PRKN: variants seen among roughly 807,000 people sequenced by gnomAD.
PRKN encodes parkin RBR E3 ubiquitin protein ligase.
A neutral mutation model predicts 59.5 loss-of-function variants in PRKN; 56 were observed. That is an observed-to-expected ratio of 0.94 (90% confidence interval 0.76 to 1.18). PRKN has a LOEUF of 1.18. Ranked by LOEUF, PRKN falls within the 50% of genes most tolerant of loss-of-function variation. The pLI is 0.00. For synonymous variants in PRKN, 250 were observed against 222.1 expected, an observed-to-expected ratio of 1.13 and a Z score of -1.12; for missense variants, 657 against 596.4, an observed-to-expected ratio of 1.10 and a Z score of -1.06.
At chr6:161,836,045 T>C (rs908840535) in intron 6 of PRKN, among the ~76,000 whole-genome samples, 2 of 152,168 alleles carry the variant, frequency 1.3e-5, no homozygotes, top group African/African-American at 4.8e-5. Context: ...CTTTTTTCTT[T>C]AAAAAGGGGG....
intron 4 of PRKN, among the ~76,000 whole-genome samples, chr6:162,153,627 A>C (rs1782371815): frequency 6.6e-6 from 1 of 152,080 alleles, no homozygotes; most frequent in Non-Finnish European, 1.5e-5. Context: ...AGACAAATGG[A>C]AGGATGATTA....
intron 3 of PRKN, among the ~76,000 whole-genome samples, chr6:162,228,838 C>T (rs1051079233): frequency 3.3e-5 from 5 of 152,088 alleles, no homozygotes; most frequent in Non-Finnish European, 1.5e-5. Flanking sequence ...TTTCAAAATC[C>T]TTCCAGATAT....
At chr6:162,483,529 G>A (rs111895423) in intron 1 of PRKN, among the ~76,000 whole-genome samples, 25 of 148,262 alleles carry the variant, frequency 1.7e-4, no homozygotes, top group Non-Finnish European at 3.4e-4. Flanking sequence ...CAGTGGGGGC[G>A]GGGAAGGAAG....
chr6:162,219,956 G>T (rs1777860832), intron 3 of PRKN, among the ~76,000 whole-genome samples: 1 of 151,986 alleles, frequency 6.6e-6, no homozygotes, highest in African/African-American at 2.4e-5. Flanking sequence ...AACATGGTGT[G>T]GTATTTGCCT....
intron 2 of PRKN, among the ~76,000 whole-genome samples, chr6:162,338,514 G>A (rs570668678): frequency 2.6e-5 from 4 of 152,170 alleles, no homozygotes; most frequent in African/African-American, 7.2e-5. Context: ...TCGGCCTCCC[G>A]AGGTGCCGGG....
chr6:162,263,995 C>A (rs1158047575), intron 2 of PRKN, among the ~76,000 whole-genome samples: 1 of 152,116 alleles, frequency 6.6e-6, no homozygotes, highest in South Asian at 2.1e-4. Flanking sequence ...TCGATGTGGC[C>A]GGCCGCAGTG....
intron 6 of PRKN, among the ~76,000 whole-genome samples, chr6:161,936,883 G>C (rs1779379711): frequency 6.6e-6 from 1 of 151,458 alleles, no homozygotes; most frequent in Non-Finnish European, 1.5e-5. Context: ...CCTCCCGGGT[G>C]CAACTGATTA....
chr6:162,503,226 G>A (rs887511208), intron 1 of PRKN, among the ~76,000 whole-genome samples: 13 of 144,228 alleles, frequency 9.0e-5, no homozygotes, highest in Admixed American at 3.6e-4. Flanking sequence ...GCAATGGCAT[G>A]ATCTCGGCTC....
At chr6:162,458,945 C>T (rs558634650) in intron 1 of PRKN, among the ~76,000 whole-genome samples, 132 of 152,116 alleles carry the variant, frequency 8.7e-4, no homozygotes, top group African/African-American at 2.7e-3. Flanking sequence ...CCCAGCCTCC[C>T]GAGTAGCTGG....
chr6:162,383,338 G>A (rs542813453), intron 2 of PRKN, among the ~76,000 whole-genome samples: 8 of 152,286 alleles, frequency 5.3e-5, no homozygotes, highest in South Asian at 4.1e-4. Context: ...CAGAATGACC[G>A]TTATGTTAGC....
chr6:162,214,713 T>C (rs1777563257), intron 3 of PRKN, among the ~76,000 whole-genome samples: 8 of 152,180 alleles, frequency 5.3e-5, no homozygotes, highest in Admixed American at 5.2e-4. Flanking sequence ...AATTTCTTAG[T>C]TGATAAATAG....
intron 1 of PRKN, among the ~76,000 whole-genome samples, chr6:162,695,437 A>G (rs1777932870): frequency 6.6e-6 from 1 of 152,106 alleles, no homozygotes; most frequent in African/African-American, 2.4e-5. Flanking sequence ...ATATTACTAA[A>G]TTTATAGCCC....
At chr6:161,786,204 G>C (rs1379745305) in intron 6 of PRKN, among the ~76,000 whole-genome samples, 2 of 152,030 alleles carry the variant, frequency 1.3e-5, no homozygotes, top group Non-Finnish European at 2.9e-5. Flanking sequence ...AGTCTTCCCT[G>C]ACTCAGAATT....
intron 3 of PRKN, among the ~76,000 whole-genome samples, chr6:162,252,421 G>C (rs1441581484): frequency 6.6e-6 from 1 of 152,190 alleles, no homozygotes; most frequent in African/African-American, 2.4e-5. Context: ...AAAAGAGCTA[G>C]ACCCTGCTTC....
chr6:162,042,457 T>A (rs1379831592), intron 5 of PRKN, among the ~76,000 whole-genome samples: 2 of 151,666 alleles, frequency 1.3e-5, no homozygotes, highest in African/African-American at 2.4e-5. Context: ...CTAATTTTTT[T>A]TTTTTATTTT....
chr6:162,582,916 T>C (rs925748426), intron 1 of PRKN, among the ~76,000 whole-genome samples: 1 of 152,220 alleles, frequency 6.6e-6, no homozygotes, highest in African/African-American at 2.4e-5. Flanking sequence ...ATGGCTTACA[T>C]GTCTGTCCCC....
At chr6:162,431,679 T>C (rs1056131419) in intron 2 of PRKN, among the ~76,000 whole-genome samples, 2 of 152,184 alleles carry the variant, frequency 1.3e-5, no homozygotes, top group Non-Finnish European at 1.5e-5. Flanking sequence ...ATCTCTTCTA[T>C]TAAAAACAAA....
chr6:161,770,290 C>T (rs1789609745), intron 7 of PRKN, among the ~76,000 whole-genome samples: 1 of 152,070 alleles, frequency 6.6e-6, no homozygotes, highest in South Asian at 2.1e-4. Flanking sequence ...ACAGAGGGCT[C>T]ACGTTCAATA....
At chr6:161,849,843 G>A (rs1446721977) in intron 6 of PRKN, among the ~76,000 whole-genome samples, 1 of 152,166 alleles carries the variant, frequency 6.6e-6, no homozygotes, top group South Asian at 2.1e-4. Flanking sequence ...GATGTGCTTG[G>A]AACAGTCCAG....
Sources: gnomAD v4.1 joint callset for allele counts (sites outside exome capture counted in the v4.1 genomes callset) on GRCh38, gnomAD v4.1.1 for gene constraint, MANE v1.5 for transcripts, NCBI Gene and HGNC (gene_info 2026-07-23, HGNC 2026-07-21) for gene names.